NETO1: variants seen among roughly 807,000 people sequenced by gnomAD.
The protein encoded by NETO1 is neuropilin and tolloid like 1.
A neutral mutation model predicts 61.3 loss-of-function variants in NETO1; 26 were observed. That is an observed-to-expected ratio of 0.42 (90% confidence interval 0.31 to 0.59). NETO1 has a LOEUF of 0.59. Ranked by LOEUF, NETO1 falls within the 20% of genes least tolerant of loss-of-function variation. The probability of loss-of-function intolerance (pLI) is 0.12; values close to 1 mark genes in which losing one functional copy is unlikely to be tolerated. For synonymous variants in NETO1, 225 were observed against 225.8 expected, an observed-to-expected ratio of 1.00 and a Z score of 0.03; for missense variants, 531 against 662.8, an observed-to-expected ratio of 0.80 and a Z score of 2.18.
At chr18:72,796,811 T>C (rs12604816) in intron 4 of NETO1, among the ~76,000 whole-genome samples, 46,570 of 151,926 alleles carry the variant, frequency 0.31, 8,535 homozygotes, top group Middle Eastern at 0.48. Flanking sequence ...AAAAAAAAAC[T>C]GTAAGCAATC....
chr18:72,827,372 C>A (rs1405997537), intron 4 of NETO1, among the ~76,000 whole-genome samples: 1 of 152,144 alleles, frequency 6.6e-6, no homozygotes, highest in Non-Finnish European at 1.5e-5. Flanking sequence ...GACCCTCCAG[C>A]CCCAAACAAC....
At chr18:72,846,534 A>AAAAAAAAAAAAAAAT (rs2074093515) in intron 4 of NETO1, among the ~76,000 whole-genome samples, 1 of 146,800 alleles carries the variant, frequency 6.8e-6, no homozygotes, top group Non-Finnish European at 1.5e-5. Context: ...AAAAAAAAAA[A>AAAAAAAAAAAAAAAT]GAAGATGCAT....
chr18:72,780,867 C>T (rs2071712262), intron 7 of NETO1, among the ~76,000 whole-genome samples: 1 of 152,144 alleles, frequency 6.6e-6, no homozygotes, highest in South Asian at 2.1e-4. Flanking sequence ...TGGTTACTCT[C>T]CTCACTAATA....
At chr18:72,790,008 G>GT (rs1213279149) in intron 6 of NETO1, among the ~76,000 whole-genome samples, 1 of 152,136 alleles carries the variant, frequency 6.6e-6, no homozygotes, top group African/African-American at 2.4e-5. Flanking sequence ...CCACTTTACT[G>GT]TAAGAGACTA....
chr18:72,863,453 A>T (rs1442041256), intron 3 of NETO1, among the ~76,000 whole-genome samples: 2 of 152,182 alleles, frequency 1.3e-5, no homozygotes, highest in Non-Finnish European at 2.9e-5. Flanking sequence ...TCCCCAGAGA[A>T]TATTGTTAAG....
At chr18:72,822,980 C>T (rs2145310627) in intron 4 of NETO1, among the ~76,000 whole-genome samples, 1 of 152,134 alleles carries the variant, frequency 6.6e-6, no homozygotes, top group East Asian at 1.9e-4. Flanking sequence ...AGTGGGAGTA[C>T]AAGGAGTTTG....
chr18:72,810,791 G>C (rs1418346681), intron 4 of NETO1, among the ~76,000 whole-genome samples: 1 of 152,078 alleles, frequency 6.6e-6, no homozygotes, highest in Non-Finnish European at 1.5e-5. Flanking sequence ...ATAATCCGAG[G>C]CTTTCCCAGA....
At chr18:72,752,130 A>T (rs1459007501) in intron 8 of NETO1, 1 of 152,182 alleles carries the variant, frequency 6.6e-6, no homozygotes, top group Non-Finnish European at 1.5e-5. Flanking sequence ...ACCTTAGAAC[A>T]TCTAGAAGTT....
rs756050412 is a variant in NETO1, at chr18:72,756,001, A to G, written c.982+33T>C. On this transcript the variant is annotated intron_variant, in intron 8 of 10. Coordinates refer to ENST00000327305, the MANE Select transcript of NETO1 (RefSeq NM_138966.5). ...CTTCTACCCCACTCCACAGGGAGGAAATTTTTTTCAAATTTCAGGCACTAA... is the reference window on the plus strand; with the variant it reads ...CTTCTACCCCACTCCACAGGGAGGAGATTTTTTTCAAATTTCAGGCACTAA... 19 of 1,208,320 alleles carry G rather than the reference A, an allele frequency of 1.6e-5. No homozygotes were observed. In the Admixed American group the frequency reaches 3.4e-4, roughly 22 times the overall value. 74.8% of individuals were successfully genotyped at this position (1,208,320 alleles called of 1,614,324 possible).
chr18:72,820,406 T>C (rs552136295), intron 4 of NETO1, among the ~76,000 whole-genome samples: 93 of 152,290 alleles, frequency 6.1e-4, no homozygotes, highest in African/African-American at 2.1e-3. Context: ...AAGTGCGCAT[T>C]CTCCTTTGTT....
chr18:72,768,372 C>A (rs1233305318), intron 7 of NETO1, among the ~76,000 whole-genome samples: 1 of 152,020 alleles, frequency 6.6e-6, no homozygotes, highest in Non-Finnish European at 1.5e-5. Context: ...ACATTGTATA[C>A]CTTTGGCCTT....
chr18:72,825,650 T>G (rs1265109424), intron 4 of NETO1, among the ~76,000 whole-genome samples: 1 of 152,184 alleles, frequency 6.6e-6, no homozygotes, highest in Non-Finnish European at 1.5e-5. Flanking sequence ...CTTTCCTTAT[T>G]TATTGAGAAT....
At chr18:72,824,594 G>T (rs1395194756) in intron 4 of NETO1, among the ~76,000 whole-genome samples, 1 of 152,142 alleles carries the variant, frequency 6.6e-6, no homozygotes, top group Non-Finnish European at 1.5e-5. Context: ...GCCGGGCGTG[G>T]TGGCTCACGC....
intron 4 of NETO1, among the ~76,000 whole-genome samples, chr18:72,839,234 G>A (rs1434834970): frequency 6.6e-6 from 1 of 152,152 alleles, no homozygotes; most frequent in Non-Finnish European, 1.5e-5. Context: ...AAAGAAGCAA[G>A]AAGAATTTAA....
chr18:72,866,772 G>C (rs897381981), intron 1 of NETO1: 1 of 992,620 alleles, frequency 1.0e-6, no homozygotes. Flanking sequence ...GCGGTCTCCA[G>C]GGCGGAAAGG....
intron 4 of NETO1, among the ~76,000 whole-genome samples, chr18:72,858,190 C>A (rs1025564298): frequency 6.6e-6 from 1 of 152,066 alleles, no homozygotes; most frequent in Non-Finnish European, 1.5e-5. Flanking sequence ...GTGGGCCAGG[C>A]AACAACACAG....
At chr18:72,864,427 T>A (rs2074672368) in intron 3 of NETO1, among the ~76,000 whole-genome samples, 1 of 152,228 alleles carries the variant, frequency 6.6e-6, no homozygotes, top group Non-Finnish European at 1.5e-5. Flanking sequence ...ACTAAAGAAA[T>A]GTAACATGCA....
At position 72,843,090 on chromosome 18, in the gene NETO1, A is replaced by G. The variant is rs531049520; in HGVS notation, c.469+15736T>C. ...TTGGGAGGGGATGTTTTAATCTAAT[A>G]AAGAAAACCAAACATGCTTGATAAG... On this transcript the variant is annotated intron_variant, in intron 4 of 10. Coordinates refer to ENST00000327305, the MANE Select transcript of NETO1 (RefSeq NM_138966.5). Among the ~76,000 whole-genome samples the G allele has an allele frequency of 3.3e-5, 5 of 152,320 alleles. No individual in the cohort carries two copies. In the East Asian group the frequency reaches 9.6e-4, roughly 29 times the overall value.
intron 7 of NETO1, among the ~76,000 whole-genome samples, chr18:72,761,865 G>A (rs2070985330): frequency 6.6e-6 from 1 of 152,222 alleles, no homozygotes; most frequent in African/African-American, 2.4e-5. Context: ...ATATTTTGCT[G>A]AGGAGAGGAC....
Sources: gnomAD v4.1 joint callset for allele counts (sites outside exome capture counted in the v4.1 genomes callset) on GRCh38, gnomAD v4.1.1 for gene constraint, MANE v1.5 for transcripts, NCBI Gene and HGNC (gene_info 2026-07-23, HGNC 2026-07-21) for gene names.